The following FAM240A variants were observed in gnomAD, a reference collection of about 807,000 sequenced individuals.
FAM240A encodes protein FAM240A.
A neutral mutation model predicts 7.3 loss-of-function variants in FAM240A; 8 were observed. That is an observed-to-expected ratio of 1.09 (90% CI 0.64 to 1.97). The LOEUF (loss-of-function observed/expected upper bound fraction) is 1.97, where lower values mean the gene tolerates loss of function less well. Ranked by LOEUF, FAM240A falls within the 30% of genes most tolerant of loss-of-function variation. The pLI is 0.00. For missense variants in FAM240A, 90 were observed against 102.2 expected (o/e 0.88, Z 0.52); for synonymous variants, 32 against 35.9 (o/e 0.89, Z 0.38).
At chr3:46,618,560 G>T (rs1229281415) in intron 2 of FAM240A, among the ~76,000 whole-genome samples, 1 of 152,136 alleles carries the variant, frequency 6.6e-6, no homozygotes, top group African/African-American at 2.4e-5. Flanking sequence ...TATACATGCG[G>T]CCGGGTGCGG....
intron 2 of FAM240A, among the ~76,000 whole-genome samples, chr3:46,624,258 T>A (rs1334914494): frequency 1.5e-5 from 2 of 137,158 alleles, no homozygotes; most frequent in East Asian, 2.1e-4. Flanking sequence ...CTTTCAACGG[T>A]GGGCTATTTT....
At position 46,620,029 on chromosome 3, in the gene FAM240A, T is replaced by C. The variant is rs77536983; in HGVS notation, c.161+2701T>C. Among the ~76,000 whole-genome samples, 19 of 152,208 alleles carry C rather than the reference T, an allele frequency of 1.2e-4. No homozygotes were observed. In the East Asian group the frequency reaches 3.1e-3, roughly 25 times the overall value. ...TCTTGGATGGGTCTTTGCTGCCTAC[T>C]TACTTTGGCCCAGCACTCACTCCCA... On this transcript the variant is annotated intron_variant, in intron 2 of 2. Transcript: ENST00000640551.
At chr3:46,618,580 C>T (rs1697656017) in intron 2 of FAM240A, among the ~76,000 whole-genome samples, 1 of 152,100 alleles carries the variant, frequency 6.6e-6, no homozygotes, top group South Asian at 2.1e-4. Flanking sequence ...GTGACTCACG[C>T]CTGTAATCCC....
chr3:46,613,116 CTT>C (rs1239468703), intron 1 of FAM240A, among the ~76,000 whole-genome samples: 3 of 152,208 alleles, frequency 2.0e-5, no homozygotes, highest in African/African-American at 7.2e-5. Flanking sequence ...TGAGGAATAA[CTT>C]ATGTGTAGTG....
At chr3:46,623,532 A>G (rs1697720650) in intron 2 of FAM240A, among the ~76,000 whole-genome samples, 1 of 152,270 alleles carries the variant, frequency 6.6e-6, no homozygotes, top group South Asian at 2.1e-4. Context: ...TTGCAGTTCT[A>G]TCACATTTTG....
At chr3:46,617,477 T>C (rs1262420504) in intron 2 of FAM240A, 149 bp downstream of exon 2, 3 of 566,712 alleles carry the variant, frequency 5.3e-6, no homozygotes, top group Non-Finnish European at 8.8e-6. Flanking sequence ...TGTCAACATC[T>C]GCACCAGTGG....
In FAM240A at chr3:46,613,222, A is replaced by G. The variant is rs144998369; in HGVS notation, c.15+524A>G. Among the ~76,000 whole-genome samples the G allele has an allele frequency of 2.0e-4, 31 of 152,342 alleles. No homozygotes were observed. The East Asian group carries it at 5.2e-3, about 26-fold the overall frequency. ...TATAAACAAGACACAGGCTGGGCAC[A>G]GTGGCTCACACCTGTAATCCCAGCA... On this transcript the variant is annotated intron_variant, in intron 1 of 2. Transcript: ENST00000640551.
chr3:46,613,537 A>C (rs991045142), intron 1 of FAM240A, among the ~76,000 whole-genome samples: 2 of 152,126 alleles, frequency 1.3e-5, no homozygotes, highest in Non-Finnish European at 2.9e-5. Context: ...AAAACAAGAC[A>C]CAGAACATTT....
At chr3:46,619,559 G>T (rs1245251044) in intron 2 of FAM240A, among the ~76,000 whole-genome samples, 1 of 152,146 alleles carries the variant, frequency 6.6e-6, no homozygotes, top group Non-Finnish European at 1.5e-5. Flanking sequence ...AGATGCTGCC[G>T]TCTCCCGCCT....
chr3:46,619,290 C>G (rs576542614), intron 2 of FAM240A, among the ~76,000 whole-genome samples: 8 of 152,312 alleles, frequency 5.3e-5, no homozygotes, highest in African/African-American at 1.9e-4. Flanking sequence ...AGCTGGTTGC[C>G]TGGGCTCACC....
intron 2 of FAM240A, among the ~76,000 whole-genome samples, chr3:46,618,876 TATATATACACACAC>T (rs1262199217): frequency 1.4e-3 from 64 of 45,370 alleles, no homozygotes; most frequent in East Asian, 6.3e-3. Flanking sequence ...TGTATATATA[TATATATACACACAC>T]ACACACACAC....
At chr3:46,623,881 A>T (rs1164468091) in intron 2 of FAM240A, among the ~76,000 whole-genome samples, 1 of 152,196 alleles carries the variant, frequency 6.6e-6, no homozygotes, top group East Asian at 1.9e-4. Context: ...ATTAATTGGT[A>T]TGATTTGTTT....
intron 1 of FAM240A, among the ~76,000 whole-genome samples, chr3:46,616,704 C>G (rs112303696): frequency 1.3e-5 from 2 of 149,426 alleles, no homozygotes; most frequent in Non-Finnish European, 3.0e-5. Flanking sequence ...CACACACACA[C>G]ACACACACAC....
At chr3:46,617,362 A>G in intron 2 of FAM240A, 34 bp downstream of exon 2, 1 of 1,486,104 alleles carries the variant, frequency 6.7e-7, no homozygotes, top group Non-Finnish European at 8.9e-7. Flanking sequence ...TTTAGAATTA[A>G]TTAATTTTTA....
chr3:46,624,201 T>C (rs1697728837), intron 2 of FAM240A, among the ~76,000 whole-genome samples: 1 of 151,942 alleles, frequency 6.6e-6, no homozygotes, highest in Admixed American at 6.6e-5. Flanking sequence ...AGTACAACTT[T>C]ACTTCTACAT....
intron 1 of FAM240A, among the ~76,000 whole-genome samples, chr3:46,614,801 A>T (rs1697609520): frequency 6.6e-6 from 1 of 152,352 alleles, no homozygotes; most frequent in Admixed American, 6.5e-5. Context: ...TGAATCTGTC[A>T]TATACCCAAG....
Position 46,617,268 on chromosome 3 carries a change from G to C in FAM240A, c.101G>C (p.Gly34Ala). 6.5e-7 allele frequency: 1 copy of C among 1,535,440 alleles called. No homozygotes were observed. Among genetic ancestry groups the C allele is most frequent in the Non-Finnish European group, 8.7e-7 (1 of 1,146,506 alleles). ...AAGCATTTCTGGGAAAGGGAAATTG[G>C]CAAACAGACTTACTACCGAGAATCA... ...DLKHFWEREI[G>A]KQTYYRESEE... The change falls in exon 2 of 3, where the codon GGC becomes GCC. Residue 34 changes from glycine (G) to alanine (A), a missense_variant. By Grantham distance (60) the Gly-to-Ala change is moderately conservative. Coordinates refer to ENST00000640551, the MANE Select transcript of FAM240A (RefSeq NM_001195442.2).
chr3:46,619,026 C>T (rs1386454309), intron 2 of FAM240A, among the ~76,000 whole-genome samples: 2 of 151,956 alleles, frequency 1.3e-5, no homozygotes, highest in South Asian at 2.1e-4. Flanking sequence ...CACCCTCTTC[C>T]GATTTGACTC....
In FAM240A at chr3:46,617,332, T is replaced by C. The variant is rs1460271161; in HGVS notation, c.161+4T>C. On this transcript the variant is annotated splice_donor_region_variant and intron_variant, in intron 2 of 2. Transcript: ENST00000640551. ...TGGGAAGAAGCGCACTGAGAAAGTA[T>C]GTGGCTTGTTTGTCTACTTTTTAGA... The C allele has an allele frequency of 1.4e-5, 21 of 1,516,158 alleles. No homozygotes were observed. Among genetic ancestry groups the C allele is most frequent in the Non-Finnish European group, 1.7e-5 (19 of 1,140,202 alleles). 93.9% of individuals were successfully genotyped at this position (1,516,158 alleles called of 1,614,324 possible). A position where few individuals can be genotyped will look rare whatever the true frequency, so the allele number is the denominator to read the frequency against.
Sources: allele counts gnomAD v4.1 joint callset (sites outside exome capture counted in the v4.1 genomes callset), GRCh38; gene constraint gnomAD v4.1.1; transcripts MANE v1.5; gene names NCBI Gene and HGNC (gene_info 2026-07-23, HGNC 2026-07-21).